TIMD4: variants seen among roughly 807,000 people sequenced by gnomAD.
TIMD4 encodes the protein T-cell immunoglobulin and mucin domain-containing protein 4.
Under a neutral mutation model 41.2 loss-of-function variants are expected in TIMD4, and 31 were observed. The ratio of observed to expected loss-of-function variants is 0.75; its 90% CI spans 0.57 to 1.01. The LOEUF (loss-of-function observed/expected upper bound fraction) is 1.01, where lower values mean the gene tolerates loss of function less well. Ranked by LOEUF, TIMD4 falls within the 50% of genes least tolerant of loss-of-function variation. The pLI is 0.00. For missense variants in TIMD4, 479 were observed against 472.5 expected (o/e 1.01, Z -0.13); for synonymous variants, 204 against 177.1 (o/e 1.15, Z -1.21).
chr5:156,954,405 G>T lies in TIMD4; in HGVS notation c.400+10C>A, dbSNP rs748689172. Reference sequence around the variant, plus strand: ...TCCTTCCGCAGGCATGAGGCCCTTCGTGTGCTTACCTCTCTGTAGATTCAG... The same window carrying T: ...TCCTTCCGCAGGCATGAGGCCCTTCTTGTGCTTACCTCTCTGTAGATTCAG... On this transcript the variant is annotated intron_variant, in intron 2 of 8. Transcript: ENST00000274532. 1 of 1,608,008 alleles carries T rather than the reference G, an allele frequency of 6.2e-7. No homozygotes were observed. The highest frequency in any genetic ancestry group is 8.5e-7 in the Non-Finnish European group (1 of 1,176,832).
chr5:156,945,568 T>G (rs544446077), intron 5 of TIMD4, among the ~76,000 whole-genome samples: 1 of 152,230 alleles, frequency 6.6e-6, no homozygotes, highest in South Asian at 2.1e-4. Context: ...TTAACCACAA[T>G]TATCACTATG....
chr5:156,941,644 C>T (rs1431885633), intron 5 of TIMD4, among the ~76,000 whole-genome samples: 1 of 152,192 alleles, frequency 6.6e-6, no homozygotes, highest in African/African-American at 2.4e-5. Flanking sequence ...TCTTTGGGCC[C>T]CAGTGTGCCT....
At chr5:156,921,282 G>A (rs143822622) in intron 7 of TIMD4, among the ~76,000 whole-genome samples, 312 of 152,136 alleles carry the variant, frequency 2.1e-3, no homozygotes, top group African/African-American at 4.6e-3. Flanking sequence ...AAGTCCATCT[G>A]TGGCCTCCAG....
Position 156,951,656 on chromosome 5 carries a change from T to C in TIMD4, c.535A>G (p.Thr179Ala), listed in dbSNP as rs777572455. 12 of 1,614,062 alleles carry C rather than the reference T, an allele frequency of 7.4e-6. No homozygotes were observed. The highest frequency in any genetic ancestry group is 1.6e-4 in the Middle Eastern group (1 of 6,062). ...TTVVTTPDLTTGTPLQMTTIA... is the reference protein window; with the variant it reads ...TTVVTTPDLTAGTPLQMTTIA... ...GTTGTCATCTGGAGTGGTGTTCCGG[T>C]TGTGAGATCGGGTGTGGTCACGACT... Residue 179 changes from threonine (T) to alanine (A), a missense_variant, in exon 3 of 9, where the codon ACC becomes GCC. Transcript: ENST00000274532.
chr5:156,945,515 G>A (rs546001093), intron 5 of TIMD4, among the ~76,000 whole-genome samples: 2 of 152,144 alleles, frequency 1.3e-5, no homozygotes, highest in Admixed American at 6.5e-5. Flanking sequence ...ATGCAAAAAC[G>A]CTGAGCACAG....
Position 156,959,166 on chromosome 5 carries a change from G to A in TIMD4, c.58+3975C>T, listed in dbSNP as rs988985016. 4.6e-5 allele frequency among the ~76,000 whole-genome samples: 7 copies of A among 152,062 alleles called. No homozygotes were observed. In the South Asian group the frequency reaches 6.2e-4, roughly 14 times the overall value. ...TTAATTTTTTCACCAGGAGTGTTTC[G>A]TGTCACTCATCTTATTAAAAATTAA... On this transcript the variant is annotated intron_variant, in intron 1 of 8. Transcript: ENST00000274532.
In TIMD4 at chr5:156,945,356, C is replaced by T. The variant is rs189862675; in HGVS notation, c.844+3060G>A. 3.8e-4 allele frequency among the ~76,000 whole-genome samples: 58 copies of T among 152,274 alleles called. 2 individuals are homozygous for T. In the East Asian group the frequency reaches 8.7e-3, roughly 23 times the overall value. On this transcript the variant is annotated intron_variant, in intron 5 of 8. Coordinates refer to ENST00000274532, the MANE Select transcript of TIMD4 (RefSeq NM_138379.3). Reference sequence around the variant, plus strand: ...CAATCAAAAGAGATAATACATGCAACGTGCATGGTGTTAAAACAAGGCAGA... The same window carrying T: ...CAATCAAAAGAGATAATACATGCAATGTGCATGGTGTTAAAACAAGGCAGA...
intron 2 of TIMD4, among the ~76,000 whole-genome samples, chr5:156,952,851 G>C (rs1759887892): frequency 6.6e-6 from 1 of 152,200 alleles, no homozygotes; most frequent in Non-Finnish European, 1.5e-5. Flanking sequence ...TATAGTAGGT[G>C]CTCCAAAAAC....
In TIMD4 at chr5:156,951,620, A is replaced by G; in HGVS notation, c.571T>C (p.Phe191Leu). 1.9e-6 allele frequency: 3 copies of G among 1,614,152 alleles called. No individual in the cohort carries two copies. Among genetic ancestry groups the G allele is most frequent in the Non-Finnish European group, 2.5e-6 (3 of 1,180,030 alleles). Residue 191 changes from phenylalanine to leucine, a missense_variant, in exon 3 of 9, where the codon TTC becomes CTC. Phe to Leu is a conservative substitution (Grantham distance 22). Transcript: ENST00000274532. ...GAAAGGCACGTGTTTGCTGTTGTGA[A>G]GACGGCAATGGTTGTCATCTGGAGT... ...TPLQMTTIAV[F>L]TTANTCLSLT...
chr5:156,951,007 T>TACAC (rs3068099), intron 3 of TIMD4, among the ~76,000 whole-genome samples: 5,651 of 149,434 alleles, frequency 0.038, 318 homozygotes, highest in African/African-American at 0.12. Context: ...CACCTCCTCG[T>TACAC]ACACACACAC....
intron 1 of TIMD4, among the ~76,000 whole-genome samples, chr5:156,956,575 C>A (rs1759973263): frequency 6.6e-6 from 1 of 152,234 alleles, no homozygotes; most frequent in African/African-American, 2.4e-5. Flanking sequence ...GACTACCCAT[C>A]CAGTGTTTGA....
chr5:156,938,079 G>A (rs1232509257), intron 5 of TIMD4, among the ~76,000 whole-genome samples: 1 of 152,106 alleles, frequency 6.6e-6, no homozygotes, highest in African/African-American at 2.4e-5. Context: ...TCAGCGAAAG[G>A]CTCAGAAAAT....
chr5:156,949,961 G>T (rs1209714567), intron 3 of TIMD4, among the ~76,000 whole-genome samples: 2 of 152,076 alleles, frequency 1.3e-5, no homozygotes, highest in Non-Finnish European at 2.9e-5. Context: ...GGGATTACAG[G>T]TACCCGCCAC....
chr5:156,933,725 T>C (rs1461169922), intron 5 of TIMD4, among the ~76,000 whole-genome samples: 1 of 151,998 alleles, frequency 6.6e-6, no homozygotes, highest in Non-Finnish European at 1.5e-5. Context: ...AGCTAATTTT[T>C]GTATTTTTGG....
chr5:156,927,463 A>G (rs1759368718), intron 5 of TIMD4, among the ~76,000 whole-genome samples: 2 of 152,240 alleles, frequency 1.3e-5, no homozygotes, highest in Admixed American at 6.5e-5. Flanking sequence ...CAGGTGAGCA[A>G]GAGCCAATCA....
intron 5 of TIMD4, among the ~76,000 whole-genome samples, chr5:156,938,426 A>C (rs566741015): frequency 9.2e-5 from 14 of 152,260 alleles, no homozygotes; most frequent in Non-Finnish European, 8.8e-5. Flanking sequence ...ATTTTTACTA[A>C]GTTCCCTGTG....
At chr5:156,939,710 G>A (rs929447396) in intron 5 of TIMD4, among the ~76,000 whole-genome samples, 4 of 152,118 alleles carry the variant, frequency 2.6e-5, no homozygotes, top group East Asian at 1.9e-4. Context: ...AGAATTAGCC[G>A]TCCTTCATTC....
intron 2 of TIMD4, among the ~76,000 whole-genome samples, chr5:156,953,348 G>C (rs1333748190): frequency 6.6e-6 from 1 of 152,052 alleles, no homozygotes. Flanking sequence ...GAGTGCGTTA[G>C]AGTCACCTGA....
intron 1 of TIMD4, among the ~76,000 whole-genome samples, chr5:156,957,998 G>C (rs547256023): frequency 1.4e-4 from 22 of 152,244 alleles, no homozygotes; most frequent in African/African-American, 5.3e-4. Flanking sequence ...ATCTGGCCGG[G>C]CGCGGTGGCT....
Sources: gnomAD v4.1 joint callset for allele counts (sites outside exome capture counted in the v4.1 genomes callset) on GRCh38, gnomAD v4.1.1 for gene constraint, MANE v1.5 for transcripts, NCBI Gene and HGNC (gene_info 2026-07-23, HGNC 2026-07-21) for gene names.